PLSCR3: variants seen among roughly 807,000 people sequenced by gnomAD.
The protein encoded by PLSCR3 is phospholipid scramblase 3.
In PLSCR3, 17 loss-of-function variants were observed where a neutral mutation model predicts 33.7. The observed-to-expected ratio is 0.50, with a 90% CI of 0.35 to 0.76. The LOEUF is 0.76. PLSCR3 is among the 30% of genes least tolerant of loss of function. The pLI is 0.01. For missense variants in PLSCR3, 360 were observed against 394.1 expected, an observed-to-expected ratio of 0.91 and a Z score of 0.73; for synonymous variants, 166 against 166.0, an observed-to-expected ratio of 1.00 and a Z score of 0.00.
Position 7,390,754 on chromosome 17 carries a change from G to C in PLSCR3, c.711C>G (p.Ser237Arg). The C allele has an allele frequency of 6.2e-7, 1 of 1,614,156 alleles. No homozygotes were observed. The highest frequency in any genetic ancestry group is 8.5e-7 in the Non-Finnish European group (1 of 1,180,030). Residue 237 changes from serine to arginine, a missense_variant, in exon 7 of 8, where the codon AGC becomes AGG. By Grantham distance (110) the Ser-to-Arg change is moderately radical. Transcript: ENST00000619711. ...RDESRSVGRISKQWGGLVREA... is the reference protein window; with the variant it reads ...RDESRSVGRIRKQWGGLVREA... ...CTCGGACCAGGCCCCCCCACTGCTT[G>C]CTGATGCGGCCCACACTGCGGGATT...
intron 7 of PLSCR3, 76 bp from the exon 8 acceptor site, chr17:7,390,517 C>A: frequency 1.3e-6 from 2 of 1,565,102 alleles, no homozygotes; most frequent in South Asian, 1.2e-5. Context: ...GCTCTAGAAC[C>A]TCAACCCCCA....
Position 7,393,301 on chromosome 17 carries a change from C to T in PLSCR3, c.350G>A (p.Gly117Asp). Residue 117 changes from glycine to aspartate, a missense_variant, in exon 5 of 8, where the codon GGT (glycine) becomes GAT (aspartate). Coordinates refer to ENST00000619711, the MANE Select transcript of PLSCR3 (RefSeq NM_020360.4). ...ELRSGAGQPL[G>D]QAAEESNCCA... ...GCAGTTGCTCTCCTCGGCCGCCTGA[C>T]CCAGGGGCTGCCCGGCCCCAGAGCG... The T allele has an allele frequency of 6.2e-7, 1 of 1,610,756 alleles. No individual in the cohort carries two copies. The highest frequency in any genetic ancestry group is 8.5e-7 in the Non-Finnish European group (1 of 1,179,822).
chr17:7,390,544 C>CT, intron 7 of PLSCR3, 90 bp downstream of exon 7: 1 of 1,579,718 alleles, frequency 6.3e-7, no homozygotes. Flanking sequence ...CTATTCCTGA[C>CT]TTTCCCCTAG....
rs762556001 is a variant in PLSCR3 at position 7,392,848 on chromosome 17, G to A, written c.612C>T (p.Val204=). 5.0e-6 allele frequency: 8 copies of A among 1,614,138 alleles called. No individual in the cohort carries two copies. In the South Asian group the frequency reaches 8.8e-5, roughly 18 times the overall value. ...TCCAGCAGGGCCCCACCACTCGCAA[G>A]ACTGTCTGGCGATCGGCATCCTGGA... ...FSIQDADRQT[V]LRVVGPCWTC... is the part of the protein sequence containing the mutation. Residue 204 remains valine, a synonymous_variant, in exon 6 of 8, where the codon GTC becomes GTT. Coordinates refer to ENST00000619711, the MANE Select transcript of PLSCR3 (RefSeq NM_020360.4).
At chr17:7,393,959 G>T (rs1246909565) in intron 2 of PLSCR3, 123 bp from the exon 3 acceptor site, 2 of 1,129,744 alleles carry the variant, frequency 1.8e-6, no homozygotes, top group Non-Finnish European at 1.3e-6. Context: ...GAAAGATGGG[G>T]CAGGGGAGCA....
At position 7,392,831 on chromosome 17, in the gene PLSCR3, G is replaced by T; in HGVS notation, c.629C>A (p.Pro210His). The change falls in exon 6 of 8, where the codon CCC becomes CAC. Residue 210 changes from proline to histidine, a missense_variant. Coordinates refer to ENST00000619711, the MANE Select transcript of PLSCR3 (RefSeq NM_020360.4). ...TGTGCCACAGCCACAGGTCCAGCAG[G>T]GCCCCACCACTCGCAAGACTGTCTG... is the stretch of plus-strand genomic sequence containing the variant. ...DRQTVLRVVG[P>H]CWTCGCGTDT... The T allele has an allele frequency of 6.2e-7, 1 of 1,614,004 alleles. No homozygotes were observed. Among genetic ancestry groups the T allele is most frequent in the African/African-American group, 1.3e-5 (1 of 74,976 alleles).
Position 7,393,765 on chromosome 17 carries a change from G to T in PLSCR3, c.79C>A (p.Pro27Thr). ...PYPVTPGYPE[P>T]ALHPGPGQAP... ...TGCCCGGGCCCAGGATGTAGCGCCG[G>T]CTCCGGGTACCCAGGGGTGACAGGG... is the stretch of plus-strand genomic sequence containing the variant. The change falls in exon 3 of 8, where the codon CCG (proline) becomes ACG (threonine). Residue 27 changes from proline to threonine, a missense_variant. Coordinates refer to ENST00000619711, the MANE Select transcript of PLSCR3 (RefSeq NM_020360.4). 6.6e-7 allele frequency: 1 copy of T among 1,508,744 alleles called. No individual in the cohort carries two copies. Among genetic ancestry groups the T allele is most frequent in the Non-Finnish European group, 8.8e-7 (1 of 1,140,640 alleles). 93.5% of individuals were successfully genotyped at this position (1,508,744 alleles called of 1,614,324 possible).
At chr17:7,390,912 T>C in intron 6 of PLSCR3, 117 bp from the exon 7 acceptor site, 1 of 1,004,758 alleles carries the variant, frequency 1.0e-6, no homozygotes, top group Non-Finnish European at 1.5e-6. Context: ...TCAGTGAATC[T>C]TCCCCTCTAA....
At position 7,390,352 on chromosome 17, in the gene PLSCR3, C is replaced by G. The variant is rs1457239841; in HGVS notation, c.*33G>C. 9 of 1,488,764 alleles carry G rather than the reference C, an allele frequency of 6.0e-6. No individual in the cohort carries two copies. The highest frequency in any genetic ancestry group is 3.5e-4 in the Middle Eastern group (2 of 5,778). The allele number at this position is 1,488,764 out of a possible 1,614,324, so 92.2% of individuals were successfully genotyped here. A position where few individuals can be genotyped will look rare whatever the true frequency, so the allele number is the denominator to read the frequency against. On this transcript the variant is annotated 3_prime_UTR_variant, in exon 8 of 8. Transcript: ENST00000619711. ...GCAGGTGACCATCTGGAGTTCTGGTCGAGGTGATGGTCTCCTCACACCATG... is the reference window on the plus strand; with the variant it reads ...GCAGGTGACCATCTGGAGTTCTGGTGGAGGTGATGGTCTCCTCACACCATG...
At chr17:7,393,990 G>T in intron 2 of PLSCR3, 114 bp downstream of exon 2, 1 of 1,300,934 alleles carries the variant, frequency 7.7e-7, no homozygotes, top group South Asian at 1.2e-5. Context: ...TCCCCGGAAG[G>T]AAGGGAGGGG....
Position 7,393,668 on chromosome 17 carries a change from G to T in PLSCR3, c.176C>A (p.Ala59Asp), listed in dbSNP as rs1024280923. Residue 59 changes from alanine to aspartate, a missense_variant, in exon 3 of 8, where the codon GCC becomes GAC. By Grantham distance (126) the Ala-to-Asp change is moderately radical. Coordinates refer to ENST00000619711, the MANE Select transcript of PLSCR3 (RefSeq NM_020360.4). Reference sequence around the variant, plus strand: ...CAAGAAGGGGGCAGCAGACCCCAAGGCCACGGGGCCAGGCGAGGGGAAGAG... The same window carrying T: ...CAAGAAGGGGGCAGCAGACCCCAAGTCCACGGGGCCAGGCGAGGGGAAGAG... ...FALFPSPGPV[A>D]LGSAAPFLPL... 1 of 1,603,102 alleles carries T rather than the reference G, an allele frequency of 6.2e-7. No homozygotes were observed. Among genetic ancestry groups the T allele is most frequent in the Non-Finnish European group, 8.5e-7 (1 of 1,177,552 alleles).
chr17:7,393,112 G>GGCCCCCCCCCCCCCCCCCCCCCC, intron 5 of PLSCR3, 32 bp downstream of exon 5: 1 of 1,256,052 alleles, frequency 8.0e-7, no homozygotes, highest in Non-Finnish European at 1.1e-6. Flanking sequence ...CCCCACCAAG[G>GGCCCCCCCCCCCCCCCCCCCCCC]CCCGCCCTCC....
In PLSCR3 at chr17:7,391,283, T is replaced by C. The variant is rs1200404091; in HGVS notation, c.670-488A>G. Among the ~76,000 whole-genome samples, 1 of 152,260 alleles carries C rather than the reference T, an allele frequency of 6.6e-6. No homozygotes were observed. The highest frequency in any genetic ancestry group is 1.5e-5 in the Non-Finnish European group (1 of 68,040). On this transcript the variant is annotated intron_variant, in intron 6 of 7. Transcript: ENST00000619711. The surrounding 1 kb of genome is among the most constrained non-coding windows in gnomAD (Gnocchi z 4.1). ...AGTCAAGAAGGCTCCTAGAAGGCTA[T>C]GTCTACCCCGAAGAGTACCTTTTCT...
intron 6 of PLSCR3, 110 bp downstream of exon 6, chr17:7,392,681 G>T: frequency 9.9e-7 from 1 of 1,015,088 alleles, no homozygotes; most frequent in Non-Finnish European, 1.5e-6. Context: ...GAGTCACAGT[G>T]GATTTGGATT....
chr17:7,393,268 C>T lies in PLSCR3; in HGVS notation c.383G>A (p.Arg128His), dbSNP rs1174093729. ...QAAEESNCCA[R>H]LCCGARRPLR... ...CGGCCGGCGGGCGCCACAGCACAGA[C>T]GGGCGCAGCAGTTGCTCTCCTCGGC... Residue 128 changes from arginine to histidine, a missense_variant, in exon 5 of 8, where the codon CGT becomes CAT. By Grantham distance (29) the Arg-to-His change is conservative. Coordinates refer to ENST00000619711, the MANE Select transcript of PLSCR3 (RefSeq NM_020360.4). 2.5e-6 allele frequency: 4 copies of T among 1,605,660 alleles called. No individual in the cohort carries two copies. The highest frequency in any genetic ancestry group is 2.2e-5 in the East Asian group (1 of 44,820).
At position 7,393,459 on chromosome 17, in the gene PLSCR3, CTACT is replaced by C; in HGVS notation, c.286+4_286+7del. On this transcript the variant is annotated splice_donor_5th_base_variant and intron_variant, in intron 4 of 7. Coordinates refer to ENST00000619711, the MANE Select transcript of PLSCR3 (RefSeq NM_020360.4). ...CATGAGGTCCAACCTCCCACTCCTT[CTACT>C]TACTTTCCACTCGCTCAGCCTTCTG... is the stretch of plus-strand genomic sequence containing the variant. The C allele has an allele frequency of 6.2e-7, 1 of 1,614,104 alleles. No homozygotes were observed. The highest frequency in any genetic ancestry group is 8.5e-7 in the Non-Finnish European group (1 of 1,180,004).
chr17:7,390,480 CCAGCCCAGCTTGGCTGTCA>C, intron 7 of PLSCR3, 39 bp from the exon 8 acceptor site: 1 of 1,582,300 alleles, frequency 6.3e-7, no homozygotes, highest in Non-Finnish European at 8.6e-7. Flanking sequence ...TCCGGCTGGG[CCAGCCCAGCTTGGCTGTCA>C]CAGGCCAGCT....
intron 7 of PLSCR3, 58 bp from the exon 8 acceptor site, chr17:7,390,499 A>ACAGGC: frequency 6.4e-7 from 1 of 1,569,094 alleles, no homozygotes. Flanking sequence ...CTTGGCTGTC[A>ACAGGC]CAGGCCAGCT....
Position 7,390,234 on chromosome 17 carries a change from G to T in PLSCR3, c.*151C>A. 1.7e-6 allele frequency: 1 copy of T among 582,144 alleles called. No homozygotes were observed. Among genetic ancestry groups the T allele is most frequent in the Non-Finnish European group, 3.0e-6 (1 of 328,860 alleles). 36.1% of individuals were successfully genotyped at this position (582,144 alleles called of 1,614,324 possible). Reference sequence around the variant, plus strand: ...ATACCCCTCCTTGGGAACCACAGGGGCAGGCGGCCAGGGAGTAGGGTAGGG... The same window carrying T: ...ATACCCCTCCTTGGGAACCACAGGGTCAGGCGGCCAGGGAGTAGGGTAGGG... On this transcript the variant is annotated 3_prime_UTR_variant, in exon 8 of 8. Transcript: ENST00000619711.
Sources: allele counts gnomAD v4.1 joint callset (sites outside exome capture counted in the v4.1 genomes callset), GRCh38; gene constraint gnomAD v4.1.1; non-coding constraint Gnocchi (gnomAD v3.1); transcripts MANE v1.5; gene names NCBI Gene and HGNC (gene_info 2026-07-23, HGNC 2026-07-21).